The following YWHAZ variants were observed in gnomAD, a reference collection of about 807,000 sequenced individuals.
YWHAZ encodes tyrosine 3-monooxygenase/tryptophan 5-monooxygenase activation protein zeta.
For synonymous variants in YWHAZ, 87 were observed against 103.6 expected (o/e 0.84, Z 0.97); for missense variants, 79 against 284.8 (o/e 0.28, Z 5.20).
In YWHAZ at chr8:100,948,884, A is replaced by G. The variant is rs776049002; in HGVS notation, c.6T>C (p.Asp2=). The G allele has an allele frequency of 2.3e-5, 36 of 1,590,530 alleles. No individual in the cohort carries two copies. The East Asian group carries it at 7.8e-4, about 35-fold the overall frequency. The part of the protein sequence containing the change: M[D]KNELVQKAKL... Reference sequence around the variant, plus strand: ...TGGCCTTCTGAACCAGCTCATTTTTATCCATGACTGGATGTTCTGCAGGGG... The same window carrying G: ...TGGCCTTCTGAACCAGCTCATTTTTGTCCATGACTGGATGTTCTGCAGGGG... The change falls in exon 2 of 6, where the codon GAT becomes GAC. Residue 2 remains aspartate (D), a synonymous_variant. Coordinates refer to ENST00000395958, the MANE Select transcript of YWHAZ (RefSeq NM_145690.3). This position sits in a 1 kb window ranked among gnomAD's most constrained non-coding sequence, Gnocchi z 4.2.
chr8:100,921,137 G>A (rs1003369167), intron 5 of YWHAZ, among the ~76,000 whole-genome samples: 9 of 152,180 alleles, frequency 5.9e-5, no homozygotes, highest in East Asian at 3.9e-4. Context: ...AGGTTCAAGC[G>A]ATTCTCCTGC....
At chr8:100,952,204 C>G (rs1021397690), upstream of YWHAZ, 1 of 976,030 alleles carries the variant, frequency 1.0e-6, no homozygotes, top group Non-Finnish European at 1.2e-6. Context: ...TCGTCCTGCC[C>G]GCCCGCGCTG....
In YWHAZ at chr8:100,951,924, C is replaced by A; in HGVS notation, c.-12+5G>T. ...GCGAGGCGCGGCGGCGGCCGGGTTCCTCACCTGTGTCCGGAGTGGGTGGTG... is the reference window on the plus strand; with the variant it reads ...GCGAGGCGCGGCGGCGGCCGGGTTCATCACCTGTGTCCGGAGTGGGTGGTG... On this transcript the variant is annotated splice_donor_5th_base_variant and intron_variant, in intron 1 of 5. Transcript: ENST00000395958. 1.0e-6 allele frequency: 1 copy of A among 998,382 alleles called. No individual in the cohort carries two copies. The highest frequency in any genetic ancestry group is 1.2e-6 in the Non-Finnish European group (1 of 838,470). The allele number at this position is 998,382 out of a possible 1,614,324, so 61.8% of individuals were successfully genotyped here.
At chr8:100,931,379 A>C (rs1259201356) in intron 2 of YWHAZ, among the ~76,000 whole-genome samples, 2 of 152,204 alleles carry the variant, frequency 1.3e-5, no homozygotes, top group South Asian at 2.1e-4. Context: ...TGAAAAGTTA[A>C]TGAACTGAGA....
chr8:100,951,629 C>G lies in YWHAZ; in HGVS notation c.-12+300G>C, dbSNP rs1444408910. Reference sequence around the variant, plus strand: ...CTTCGGGAGCCGGCGACAGGGAGATCCCCAGGGATCTCGCGTGTGGGCGCC... The same window carrying G: ...CTTCGGGAGCCGGCGACAGGGAGATGCCCAGGGATCTCGCGTGTGGGCGCC... On this transcript the variant is annotated intron_variant, in intron 1 of 5. Transcript: ENST00000395958. 7.1e-6 allele frequency: 7 copies of G among 985,144 alleles called. No homozygotes were observed. The East Asian group carries it at 8.0e-4, about 113-fold the overall frequency. 61.0% of individuals were successfully genotyped at this position (985,144 alleles called of 1,614,324 possible).
chr8:100,943,855 C>T (rs62515491), intron 2 of YWHAZ, among the ~76,000 whole-genome samples: 4,606 of 151,972 alleles, frequency 0.03, 97 homozygotes, highest in Middle Eastern at 0.051. Flanking sequence ...GGTGTGGTGG[C>T]GGGCACCTGT....
chr8:100,932,492 T>G (rs1163550148), intron 2 of YWHAZ, among the ~76,000 whole-genome samples: 2 of 152,210 alleles, frequency 1.3e-5, no homozygotes, highest in Non-Finnish European at 2.9e-5. Context: ...AAAGTTTGTC[T>G]CAAGACACTT....
chr8:100,951,491 A>C (rs972286204), intron 1 of YWHAZ: 4 of 984,556 alleles, frequency 4.1e-6, no homozygotes, highest in Non-Finnish European at 4.8e-6. Context: ...GCCGCCGCCG[A>C]GTCATTATCT....
chr8:100,924,436 CTTT>C lies in YWHAZ; in HGVS notation c.419-141_419-139del. 9 of 681,210 alleles carry C rather than the reference CTTT, an allele frequency of 1.3e-5. No homozygotes were observed. The highest frequency in any genetic ancestry group is 3.5e-5 in the East Asian group (1 of 28,982). The allele number at this position is 681,210 out of a possible 1,614,324, so 42.2% of individuals were successfully genotyped here. A position where few individuals can be genotyped will look rare whatever the true frequency, so the allele number is the denominator to read the frequency against. On this transcript the variant is annotated intron_variant, in intron 3 of 5. Transcript: ENST00000395958. This position sits in a 1 kb window ranked among gnomAD's most constrained non-coding sequence, Gnocchi z 5.7. ...TAATATTTGTTAATTGAACAAGGTC[CTTT>C]TTTTTTTTTAAAGGGAGCTTTCTCC... is the stretch of plus-strand genomic sequence containing the variant.
chr8:100,917,318 C>G lies in YWHAZ; in HGVS notation c.*3375G>C, dbSNP rs901980106. On this transcript the variant is annotated 3_prime_UTR_variant, in exon 6 of 6. Coordinates refer to ENST00000395958, the MANE Select transcript of YWHAZ (RefSeq NM_145690.3). ...AACAGCATGAAGTAACAGCTGTTAA[C>G]TGGAAAAACAAAGACCATAAGCCAG... The G allele has an allele frequency of 3.3e-5, 5 of 152,172 alleles. No individual in the cohort carries two copies. Among genetic ancestry groups the G allele is most frequent in the African/African-American group, 1.2e-4 (5 of 41,426 alleles). 9.4% of individuals were successfully genotyped at this position (152,172 alleles called of 1,614,324 possible).
At chr8:100,942,973 T>C (rs1192178264) in intron 2 of YWHAZ, among the ~76,000 whole-genome samples, 2 of 152,228 alleles carry the variant, frequency 1.3e-5, no homozygotes, top group Non-Finnish European at 2.9e-5. Flanking sequence ...CAATGTGCAC[T>C]TTTCTGAGTA....
chr8:100,937,214 A>C (rs1814211946), intron 2 of YWHAZ, among the ~76,000 whole-genome samples: 1 of 152,206 alleles, frequency 6.6e-6, no homozygotes, highest in Non-Finnish European at 1.5e-5. Flanking sequence ...TGAAAAGTTA[A>C]TACATTTTAA....
At chr8:100,952,662 C>T, upstream of YWHAZ, 1 of 480,152 alleles carries the variant, frequency 2.1e-6, no homozygotes, top group Non-Finnish European at 2.7e-6. Flanking sequence ...GGTGGCTCGG[C>T]GGCTCCGGCA....
chr8:100,934,797 A>C (rs1205436430), intron 2 of YWHAZ: 1 of 152,196 alleles, frequency 6.6e-6, no homozygotes, highest in Non-Finnish European at 1.5e-5. Context: ...TTCTTCAAGG[A>C]CAGAATTGTT....
intron 2 of YWHAZ, among the ~76,000 whole-genome samples, chr8:100,943,339 T>C (rs1309744834): frequency 1.3e-5 from 2 of 152,170 alleles, no homozygotes; most frequent in Non-Finnish European, 2.9e-5. Context: ...AGAAACTTAT[T>C]AGAATTTCAA....
In YWHAZ at chr8:100,948,929, A is replaced by C. The variant is rs963414435; in HGVS notation, c.-11-29T>G. ...CAGGGGGGAAAAAAGGAGTATTTAA[A>C]ATTTTTCCCATCAAAATAAACAGAC... On this transcript the variant is annotated intron_variant, in intron 1 of 5. Coordinates refer to ENST00000395958, the MANE Select transcript of YWHAZ (RefSeq NM_145690.3). The surrounding 1 kb of genome is among the most constrained non-coding windows in gnomAD (Gnocchi z 4.2). The C allele has an allele frequency of 1.9e-6, 3 of 1,541,960 alleles. No homozygotes were observed. The highest frequency in any genetic ancestry group is 2.8e-5 in the African/African-American group (2 of 72,292).
intron 2 of YWHAZ, among the ~76,000 whole-genome samples, chr8:100,928,005 C>T (rs1813481165): frequency 6.6e-6 from 1 of 152,204 alleles, no homozygotes; most frequent in Non-Finnish European, 1.5e-5. Flanking sequence ...GGTGGCTGGG[C>T]ATGGTGGCTC....
At chr8:100,931,267 C>T (rs745870079) in intron 2 of YWHAZ, among the ~76,000 whole-genome samples, 3 of 152,176 alleles carry the variant, frequency 2.0e-5, no homozygotes, top group East Asian at 1.9e-4. Context: ...CATAAATTGA[C>T]AGGTCATCTG....
In YWHAZ at chr8:100,925,045, GAAGAA is replaced by G. The variant is rs755240369; in HGVS notation, c.295-11_295-7del. On this transcript the variant is annotated splice_region_variant and splice_polypyrimidine_tract_variant and intron_variant, in intron 2 of 5. Transcript: ENST00000395958. The stretch of plus-strand genomic sequence containing the variant: ...AAGAACTTTTCCAAAAGAGACTTAA[GAAGAA>G]AAGAAACAGACATAGTGAGAATAAA... 19 of 1,610,184 alleles carry G rather than the reference GAAGAA, an allele frequency of 1.2e-5. No individual in the cohort carries two copies. Among genetic ancestry groups the G allele is most frequent in the Middle Eastern group, 1.7e-4 (1 of 6,036 alleles).
Sources: gnomAD v4.1 joint callset for allele counts (sites outside exome capture counted in the v4.1 genomes callset) on GRCh38, gnomAD v4.1.1 for gene constraint, Gnocchi (gnomAD v3.1) non-coding constraint, MANE v1.5 for transcripts, NCBI Gene and HGNC (gene_info 2026-07-23, HGNC 2026-07-21) for gene names.